DMD: variants seen among roughly 807,000 people sequenced by gnomAD.
DMD encodes dystrophin, also known as mutant dystrophin.
DMD carries 63 observed loss-of-function variants against 330.1 expected under a neutral mutation model. The observed-to-expected ratio is 0.19, with a 90% CI of 0.16 to 0.24. DMD has a LOEUF of 0.24. DMD is among the 10% of genes least tolerant of loss of function. The pLI, the probability that DMD is intolerant of heterozygous loss-of-function variation, is 1.00. For synonymous variants in DMD, 1,223 were observed against 959.8 expected (o/e 1.27, Z -5.07); for missense variants, 3,344 against 2,684.1 (o/e 1.25, Z -5.43).
intron 2 of DMD, among the ~76,000 whole-genome samples, chrX:32,853,733 A>T (rs1283996599): frequency 9.5e-6 from 1 of 105,039 alleles, no homozygotes; most frequent in African/African-American, 3.5e-5. Flanking sequence ...AACTGAACAT[A>T]AATGAAATAA....
chrX:31,249,822 A>C (rs1156765915), intron 63 of DMD, among the ~76,000 whole-genome samples: 1 of 111,087 alleles, frequency 9.0e-6, no homozygotes, highest in African/African-American at 3.3e-5. Context: ...GGTATATGAT[A>C]ATAATAACTA....
At chrX:31,946,636 A>G (rs1211420190) in intron 45 of DMD, among the ~76,000 whole-genome samples, 3 of 111,554 alleles carry the variant, frequency 2.7e-5, no homozygotes, top group Non-Finnish European at 5.6e-5. Flanking sequence ...GGGTATCTTC[A>G]AGGATTTCTT....
chrX:32,643,651 G>C (rs976563338), intron 11 of DMD, among the ~76,000 whole-genome samples: 3 of 111,248 alleles, frequency 2.7e-5, no homozygotes, highest in African/African-American at 9.8e-5. Flanking sequence ...TAGCCATACT[G>C]TATTTTAATA....
intron 21 of DMD, among the ~76,000 whole-genome samples, chrX:32,484,064 T>C (rs1008030168): frequency 3.6e-5 from 4 of 110,974 alleles, no homozygotes; most frequent in Non-Finnish European, 5.7e-5. Context: ...TCATGACAAA[T>C]TTGGGACAGA....
At chrX:31,689,525 G>A (rs1430480069) in intron 52 of DMD, among the ~76,000 whole-genome samples, 1 of 111,558 alleles carries the variant, frequency 9.0e-6, no homozygotes, top group African/African-American at 3.3e-5. Flanking sequence ...AATCAATATC[G>A]TGAAAATGGC....
intron 1 of DMD, among the ~76,000 whole-genome samples, chrX:33,305,378 G>A (rs1458169690): frequency 2.1e-5 from 2 of 95,660 alleles, no homozygotes; most frequent in Non-Finnish European, 4.2e-5. Context: ...GAGAACACAT[G>A]GACGCAGGAA....
At chrX:32,599,969 G>T (rs1308594256) in intron 12 of DMD, among the ~76,000 whole-genome samples, 2 of 112,108 alleles carry the variant, frequency 1.8e-5, no homozygotes, top group East Asian at 5.6e-4. Context: ...AGAATGCCTA[G>T]ATTGGACAAA....
chrX:32,610,907 C>T (rs1472204572), intron 12 of DMD, among the ~76,000 whole-genome samples: 66 of 110,914 alleles, frequency 6.0e-4, no homozygotes, highest in South Asian at 7.5e-4. Context: ...AGCGATTCAA[C>T]GACTATATAA....
chrX:31,496,512 TTCTG>T (rs1244624000), intron 57 of DMD, among the ~76,000 whole-genome samples: 1 of 112,234 alleles, frequency 8.9e-6, no homozygotes, highest in Non-Finnish European at 1.9e-5. Flanking sequence ...TATTATAGCA[TTCTG>T]TCTACTTTTG....
rs1053500993 is a variant in DMD at position 32,956,368 on chromosome X, C to T, written c.93+63771G>A. On this transcript the variant is annotated intron_variant, in intron 2 of 78. Coordinates refer to ENST00000357033, the MANE Select transcript of DMD (RefSeq NM_004006.3). ...TTGAGGAGTGTTTGGTAGTTCTCCA[C>T]GTAGAGATCTTTCACCCCTCTAGTT... Among the ~76,000 whole-genome samples the T allele has an allele frequency of 7.2e-5, 8 of 111,598 alleles. No homozygotes were observed. The East Asian group carries it at 1.4e-3, about 20-fold the overall frequency.
At chrX:32,084,710 C>T (rs951418057) in intron 44 of DMD, among the ~76,000 whole-genome samples, 1 of 111,232 alleles carries the variant, frequency 9.0e-6, no homozygotes, top group African/African-American at 3.3e-5. Flanking sequence ...ATTACACTGC[C>T]GACTCTAACT....
chrX:32,808,650 A>C (rs181885513), intron 7 of DMD, among the ~76,000 whole-genome samples: 24 of 111,875 alleles, frequency 2.1e-4, no homozygotes, highest in Non-Finnish European at 4.5e-4. Context: ...GATGAAATCG[A>C]TTTAATATTC....
chrX:33,012,345 A>T (rs1250064149), intron 2 of DMD, among the ~76,000 whole-genome samples: 1 of 111,024 alleles, frequency 9.0e-6, no homozygotes, highest in South Asian at 3.7e-4. Context: ...GGGAGTTCAC[A>T]TGCCAGTAAA....
intron 7 of DMD, among the ~76,000 whole-genome samples, chrX:32,761,387 TAG>T (rs2072272295): frequency 8.9e-6 from 1 of 111,997 alleles, no homozygotes; most frequent in Admixed American, 9.5e-5. Flanking sequence ...TCCACAATCA[TAG>T]AGTCTGAGGA....
At chrX:32,286,915 AAAAG>A (rs1222730241) in intron 43 of DMD, among the ~76,000 whole-genome samples, 1 of 112,124 alleles carries the variant, frequency 8.9e-6, no homozygotes, top group Admixed American at 9.5e-5. Flanking sequence ...CTAAAAATGT[AAAAG>A]AAAGAGTAAT....
intron 43 of DMD, among the ~76,000 whole-genome samples, chrX:32,268,103 AG>A (rs1414371062): frequency 9.0e-6 from 1 of 111,454 alleles, no homozygotes; most frequent in African/African-American, 3.3e-5. Context: ...ACAAATACGC[AG>A]AAGAGTGACC....
intron 43 of DMD, among the ~76,000 whole-genome samples, chrX:32,280,874 T>C (rs761715472): frequency 8.9e-6 from 1 of 112,451 alleles, no homozygotes; most frequent in Non-Finnish European, 1.9e-5. Flanking sequence ...AGATTACAAC[T>C]GAGATAGCAA....
chrX:32,774,002 C>A (rs2148480640), intron 7 of DMD, among the ~76,000 whole-genome samples: 1 of 111,077 alleles, frequency 9.0e-6, no homozygotes, highest in African/African-American at 3.3e-5. Context: ...AATGGAAAAA[C>A]ACATTAAATG....
intron 2 of DMD, among the ~76,000 whole-genome samples, chrX:32,990,493 G>T (rs2092946115): frequency 2.7e-5 from 3 of 111,961 alleles, no homozygotes; most frequent in Non-Finnish European, 5.6e-5. Context: ...GGAGTTAGTT[G>T]TCATCCAAAA....
Sources: allele counts gnomAD v4.1 joint callset (sites outside exome capture counted in the v4.1 genomes callset), GRCh38; gene constraint gnomAD v4.1.1; transcripts MANE v1.5; gene names NCBI Gene and HGNC (gene_info 2026-07-23, HGNC 2026-07-21).